Variants in TACC2 observed in about 807,000 individuals in gnomAD.
TACC2 encodes the protein transforming acidic coiled-coil-containing protein 2.
Under a neutral mutation model 227.3 loss-of-function variants are expected in TACC2, and 137 were observed. The ratio of observed to expected loss-of-function variants is 0.60; its 90% CI spans 0.52 to 0.69. The LOEUF is 0.69. Among genes scored for constraint, TACC2 ranks in the 30% least tolerant of loss-of-function variants. The pLI is 0.00. For synonymous variants in TACC2, 1,523 were observed against 1,487.5 expected (o/e 1.02, Z -0.55); for missense variants, 3,470 against 3,694.4 (o/e 0.94, Z 1.57).
At chr10:122,012,329 A>T (rs1044908088) in intron 1 of TACC2, among the ~76,000 whole-genome samples, 3 of 147,752 alleles carry the variant, frequency 2.0e-5, no homozygotes, top group African/African-American at 5.0e-5. Flanking sequence ...CTGAGGCTGG[A>T]GAATCGCTTG....
chr10:122,021,230 A>G (rs1215245022), intron 1 of TACC2, among the ~76,000 whole-genome samples: 3 of 123,106 alleles, frequency 2.4e-5, no homozygotes, highest in Non-Finnish European at 3.4e-5. Context: ...CTCCATCTCG[A>G]AAAAAAAAAG....
intron 3 of TACC2, chr10:122,051,765 C>CTTTTTTTTTTTTT (rs56185263): frequency 6.5e-5 from 8 of 122,458 alleles, no homozygotes; most frequent in Non-Finnish European, 8.4e-5. Flanking sequence ...CTCAAAGTGA[C>CTTTTTTTTTTTTT]TTTTTTTTTT....
intron 9 of TACC2, among the ~76,000 whole-genome samples, chr10:122,213,740 C>T (rs926422303): frequency 1.3e-5 from 2 of 152,182 alleles, no homozygotes; most frequent in African/African-American, 2.4e-5. Context: ...CGATTGCTTT[C>T]AACACTACTG....
intron 9 of TACC2, among the ~76,000 whole-genome samples, chr10:122,212,465 C>A (rs890261900): frequency 2.0e-5 from 3 of 152,180 alleles, no homozygotes; most frequent in Non-Finnish European, 4.4e-5. Flanking sequence ...AGAATCCACC[C>A]CAGGACCCGG....
chr10:122,235,065 T>G (rs576235069), intron 16 of TACC2, among the ~76,000 whole-genome samples: 1 of 152,318 alleles, frequency 6.6e-6, no homozygotes, highest in South Asian at 2.1e-4. Context: ...ATAGTTTTTG[T>G]TTTTCCTTTT....
In TACC2 at chr10:122,086,454, C is replaced by A. The variant is rs2080106080; in HGVS notation, c.3954C>A (p.Thr1318=). 6.2e-7 allele frequency: 1 copy of A among 1,613,894 alleles called. No homozygotes were observed. Among genetic ancestry groups the A allele is most frequent in the African/African-American group, 1.3e-5 (1 of 75,070 alleles). The change falls in exon 4 of 23, where the codon ACC becomes ACA. Residue 1318 remains threonine (T), a synonymous_variant. Transcript: ENST00000369005. ...QASSGSPKAR[T]TEGPVDSMPC... is the part of the protein sequence containing the mutation. ...GCAGTGGTAGTCCCAAAGCCAGAACCACTGAGGGACCAGTGGACTCCATGC... is the reference window on the plus strand; with the variant it reads ...GCAGTGGTAGTCCCAAAGCCAGAACAACTGAGGGACCAGTGGACTCCATGC...
intron 7 of TACC2, among the ~76,000 whole-genome samples, chr10:122,188,568 C>T (rs987150213): frequency 6.6e-6 from 1 of 152,174 alleles, no homozygotes; most frequent in African/African-American, 2.4e-5. Flanking sequence ...GGATTACAGG[C>T]ATGAGCCACG....
intron 5 of TACC2, among the ~76,000 whole-genome samples, chr10:122,101,911 G>A (rs992530896): frequency 1.3e-5 from 2 of 151,720 alleles, no homozygotes; most frequent in Non-Finnish European, 2.9e-5. Context: ...AAAGAAAAAG[G>A]CAGAGTCTCA....
intron 7 of TACC2, among the ~76,000 whole-genome samples, chr10:122,173,848 C>G (rs2093589893): frequency 6.6e-6 from 1 of 152,224 alleles, no homozygotes; most frequent in Non-Finnish European, 1.5e-5. Context: ...ACCATGAAAG[C>G]CAGCCCCTCT....
chr10:122,080,305 T>C (rs2079322134), intron 3 of TACC2, among the ~76,000 whole-genome samples: 1 of 151,124 alleles, frequency 6.6e-6, no homozygotes, highest in South Asian at 2.1e-4. Flanking sequence ...TGTTCTCAGC[T>C]CACTGCAGCC....
In TACC2 at chr10:122,050,649, C is replaced by A; in HGVS notation, c.146+99C>A. On this transcript the variant is annotated intron_variant, in intron 3 of 22. Coordinates refer to ENST00000369005, the MANE Select transcript of TACC2 (RefSeq NM_206862.4). The surrounding 1 kb of genome is among the most constrained non-coding windows in gnomAD (Gnocchi z 4.6). Reference sequence around the variant, plus strand: ...TGCCCCATTTGCTTTGGAAACTGGACCCTTAGACACATGGTATCGTCCTCA... The same window carrying A: ...TGCCCCATTTGCTTTGGAAACTGGAACCTTAGACACATGGTATCGTCCTCA... The A allele has an allele frequency of 2.3e-6, 2 of 871,880 alleles. No homozygotes were observed. The highest frequency in any genetic ancestry group is 1.8e-6 in the Non-Finnish European group (1 of 544,542). The allele number at this position is 871,880 out of a possible 1,614,324, so 54.0% of individuals were successfully genotyped here.
rs183261389 is a variant in TACC2, at chr10:122,054,037, G to C, written c.146+3487G>C. Among the ~76,000 whole-genome samples the C allele has an allele frequency of 1.2e-3, 181 of 152,320 alleles. 1 individual carries two copies. Among genetic ancestry groups the C allele is most frequent in the African/African-American group, 3.7e-3 (154 of 41,576 alleles). On this transcript the variant is annotated intron_variant, in intron 3 of 22. Transcript: ENST00000369005. The stretch of plus-strand genomic sequence containing the variant: ...GGCATCATCTCCACTCTACAGATGA[G>C]GAAACTGAGGCTTGCAGCATGATGT...
chr10:122,192,069 C>G (rs770249436), intron 7 of TACC2, among the ~76,000 whole-genome samples: 1 of 152,106 alleles, frequency 6.6e-6, no homozygotes, highest in Non-Finnish European at 1.5e-5. Context: ...CTGCCATCCA[C>G]CTCCTCTAAT....
intron 5 of TACC2, among the ~76,000 whole-genome samples, chr10:122,120,181 T>C (rs2085463549): frequency 6.6e-6 from 1 of 152,106 alleles, no homozygotes; most frequent in Non-Finnish European, 1.5e-5. Context: ...GAGCTGTGAG[T>C]CAGCAGGTCA....
intron 2 of TACC2, among the ~76,000 whole-genome samples, chr10:122,024,863 GT>G (rs1386501864): frequency 6.6e-6 from 1 of 152,180 alleles, no homozygotes; most frequent in Non-Finnish European, 1.5e-5. Context: ...AGATAAAGCT[GT>G]CATGAACATG....
Position 121,997,138 on chromosome 10 carries a change from C to T in TACC2, c.-46+7650C>T, listed in dbSNP as rs1953618282. On this transcript the variant is annotated intron_variant, in intron 1 of 22. Coordinates refer to ENST00000369005, the MANE Select transcript of TACC2 (RefSeq NM_206862.4). ...GACGTAGATGAGACCAGCATCTGGG[C>T]ATCATGGGCAGCTTTTGAGTATGCT... 2.0e-5 allele frequency among the ~76,000 whole-genome samples: 3 copies of T among 152,274 alleles called. No homozygotes were observed. The South Asian group carries it at 6.2e-4, about 32-fold the overall frequency.
In TACC2 at chr10:122,113,690, G is replaced by T. The variant is rs1592155024; in HGVS notation, c.5574-18919G>T. On this transcript the variant is annotated intron_variant, in intron 5 of 22. Coordinates refer to ENST00000369005, the MANE Select transcript of TACC2 (RefSeq NM_206862.4). ...GGTCGCGTGGGGGCATCCCCGGCGG[G>T]CCACGACGGCGCGTGGACTAGCCAT... is the stretch of plus-strand genomic sequence containing the variant. 3.3e-5 allele frequency among the ~76,000 whole-genome samples: 5 copies of T among 152,366 alleles called. No individual in the cohort carries two copies. The East Asian group carries it at 9.6e-4, about 29-fold the overall frequency.
intron 3 of TACC2, among the ~76,000 whole-genome samples, chr10:122,080,000 G>A (rs376824822): frequency 6.6e-6 from 1 of 152,122 alleles, no homozygotes; most frequent in Admixed American, 6.5e-5. Flanking sequence ...TAGTCTGCTC[G>A]GGCTGCCATA....
Position 122,220,963 on chromosome 10 carries a change from T to C in TACC2, c.7547-3763T>C, listed in dbSNP as rs564216209. ...TGCCTGACTTAACAGCTGTGCTCTT[T>C]ATGTGAGCATGGAACAGGCTTGCTG... On this transcript the variant is annotated intron_variant, in intron 11 of 22. Coordinates refer to ENST00000369005, the MANE Select transcript of TACC2 (RefSeq NM_206862.4). Among the ~76,000 whole-genome samples the C allele has an allele frequency of 3.9e-5, 6 of 152,354 alleles. No homozygotes were observed. In the South Asian group the frequency reaches 1.0e-3, roughly 26 times the overall value.
Sources: allele counts gnomAD v4.1 joint callset (sites outside exome capture counted in the v4.1 genomes callset), GRCh38; gene constraint gnomAD v4.1.1; non-coding constraint Gnocchi (gnomAD v3.1); transcripts MANE v1.5; gene names NCBI Gene and HGNC (gene_info 2026-07-23, HGNC 2026-07-21).